Variants in WNT2B observed in about 807,000 individuals in gnomAD.
WNT2B encodes the protein protein Wnt-2b.
A neutral mutation model predicts 40.5 loss-of-function variants in WNT2B; 19 were observed. That is an observed-to-expected ratio of 0.47 (90% confidence interval 0.33 to 0.69). WNT2B has a LOEUF of 0.69. WNT2B is among the 30% of genes least tolerant of loss of function. The pLI is 0.02. For missense variants in WNT2B, 467 were observed against 556.4 expected (o/e 0.84, Z 1.62); for synonymous variants, 220 against 211.9 (o/e 1.04, Z -0.33).
At chr1:112,467,641 CCTTTT>C (rs1650745676) in intron 1 of WNT2B, 2 of 765,184 alleles carry the variant, frequency 2.6e-6, no homozygotes, top group African/African-American at 3.4e-5. Flanking sequence ...CTAATTTTCT[CCTTTT>C]CTTCTCGATA....
chr1:112,516,779 C>A (rs1652568410), intron 3 of WNT2B, among the ~76,000 whole-genome samples: 2 of 152,166 alleles, frequency 1.3e-5, no homozygotes. Flanking sequence ...AAATGGCACA[C>A]CACTAAAGTA....
At chr1:112,504,905 G>A (rs1451435280), upstream of WNT2B, among the ~76,000 whole-genome samples, 1 of 152,022 alleles carries the variant, frequency 6.6e-6, no homozygotes. Context: ...GATAGAGCAG[G>A]GTGGGGTAAG....
chr1:112,484,230 T>C (rs11102481), intron 1 of WNT2B, among the ~76,000 whole-genome samples: 16,981 of 117,984 alleles, frequency 0.14, 1,356 homozygotes, highest in East Asian at 0.35. Flanking sequence ...CATATATATA[T>C]ACACATATAT....
chr1:112,482,279 A>G (rs955341383), intron 1 of WNT2B, among the ~76,000 whole-genome samples: 1 of 152,028 alleles, frequency 6.6e-6, no homozygotes, highest in Non-Finnish European at 1.5e-5. Flanking sequence ...TGATTGTGCT[A>G]CTACACTCCA....
rs184570873 is a variant in WNT2B at position 112,490,631 on chromosome 1, C to A, written c.-95+23040C>A. On this transcript the variant is annotated intron_variant, in intron 1 of 4. Coordinates refer to the WNT2B transcript ENST00000256640. ...CAGCCTCCCTAGTAGCTGGGACTAC[C>A]GGCGCCCATCACCACACCCGGCTAA... is the stretch of plus-strand genomic sequence containing the variant. 6.5e-3 allele frequency among the ~76,000 whole-genome samples: 980 copies of A among 151,808 alleles called. 13 individuals carry two copies. The highest frequency in any genetic ancestry group is 0.021 in the African/African-American group (876 of 41,392).
At chr1:112,473,000 AGG>A in intron 1 of WNT2B, among the ~76,000 whole-genome samples, 1 of 100,242 alleles carries the variant, frequency 1.0e-5, no homozygotes, top group East Asian at 3.1e-4. Context: ...GAGGGAGGGG[AGG>A]GAAGGGGAGA....
In WNT2B at chr1:112,509,130, GTGA is replaced by G; in HGVS notation, c.-131_-129del. 7.3e-7 allele frequency: 1 copy of G among 1,370,098 alleles called. No homozygotes were observed. The highest frequency in any genetic ancestry group is 1.7e-5 in the South Asian group (1 of 58,306). 84.9% of individuals were successfully genotyped at this position (1,370,098 alleles called of 1,614,324 possible). On this transcript the variant is annotated 5_prime_UTR_variant, in exon 1 of 5. Coordinates refer to ENST00000369684, the MANE Select transcript of WNT2B (RefSeq NM_024494.3). This position sits in a 1 kb window ranked among gnomAD's most constrained non-coding sequence, Gnocchi z 4.2. ...CCTCCTCCCGGGCTCTGGACCCCAGGTGATCCTAGGTCCCCAGCCGCCGGCGAA... is the reference window on the plus strand; with the variant it reads ...CCTCCTCCCGGGCTCTGGACCCCAGGTCCTAGGTCCCCAGCCGCCGGCGAA...
intron 1 of WNT2B, among the ~76,000 whole-genome samples, chr1:112,510,363 T>A (rs1652305886): frequency 6.6e-6 from 1 of 151,910 alleles, no homozygotes; most frequent in Non-Finnish European, 1.5e-5. Context: ...GCAGGGAGAG[T>A]TGAACCTAGA....
upstream of WNT2B, among the ~76,000 whole-genome samples, chr1:112,505,948 C>T (rs1174570734): frequency 6.6e-6 from 1 of 152,184 alleles, no homozygotes; most frequent in Non-Finnish European, 1.5e-5. Context: ...GCTGATGTTT[C>T]TGGCTGTACC....
rs1654086901 is a variant in WNT2B, at chr1:112,529,837, G to A, written c.*9328G>A. ...GTGGTACCTTCACAGGAGCTCAGTG[G>A]AACTGGGGTTTACTTACATCTTTTT... On this transcript the variant is annotated 3_prime_UTR_variant, in exon 5 of 5. Transcript: ENST00000369684. The A allele has an allele frequency of 6.6e-6, 1 of 151,520 alleles. No homozygotes were observed. Among genetic ancestry groups the A allele is most frequent in the African/African-American group, 2.4e-5 (1 of 41,244 alleles). The allele number at this position is 151,520 out of a possible 1,614,324, so 9.4% of individuals were successfully genotyped here.
chr1:112,507,976 C>T (rs1570787444), upstream of WNT2B, among the ~76,000 whole-genome samples: 1 of 152,076 alleles, frequency 6.6e-6, no homozygotes, highest in Non-Finnish European at 1.5e-5. Flanking sequence ...GAGTCTCTTT[C>T]GGCAGACTGC....
At chr1:112,471,698 A>G (rs943905530) in intron 1 of WNT2B, among the ~76,000 whole-genome samples, 11 of 152,220 alleles carry the variant, frequency 7.2e-5, no homozygotes, top group African/African-American at 2.7e-4. Flanking sequence ...GCAGTGCCAA[A>G]GGTTGTATTC....
At chr1:112,477,241 T>C (rs1651079834) in intron 1 of WNT2B, among the ~76,000 whole-genome samples, 1 of 152,220 alleles carries the variant, frequency 6.6e-6, no homozygotes, top group South Asian at 2.1e-4. Context: ...TCCAGAGCCA[T>C]TGGCCATGCT....
intron 1 of WNT2B, among the ~76,000 whole-genome samples, chr1:112,476,387 A>G (rs1223093986): frequency 1.3e-5 from 2 of 152,238 alleles, no homozygotes; most frequent in Non-Finnish European, 2.9e-5. Flanking sequence ...TGACATCACC[A>G]AGATGGTGGA....
chr1:112,504,704 T>C (rs923524875), upstream of WNT2B, among the ~76,000 whole-genome samples: 2 of 151,980 alleles, frequency 1.3e-5, no homozygotes, highest in Non-Finnish European at 2.9e-5. Flanking sequence ...TGCAAAGAAA[T>C]CTCAGGAAAG....
Position 112,523,274 on chromosome 1 carries a change from G to A in WNT2B, c.*2765G>A, listed in dbSNP as rs900392324. The A allele has an allele frequency of 6.6e-6, 1 of 152,198 alleles. No individual in the cohort carries two copies. The highest frequency in any genetic ancestry group is 1.5e-5 in the Non-Finnish European group (1 of 68,042). 9.4% of individuals were successfully genotyped at this position (152,198 alleles called of 1,614,324 possible). Reference sequence around the variant, plus strand: ...CAAATTCTAGCTCATAAAGATGCAAGTTTTGCAATTTCCTATAAATGGTTA... The same window carrying A: ...CAAATTCTAGCTCATAAAGATGCAAATTTTGCAATTTCCTATAAATGGTTA... On this transcript the variant is annotated 3_prime_UTR_variant, in exon 5 of 5. Coordinates refer to ENST00000369684, the MANE Select transcript of WNT2B (RefSeq NM_024494.3).
intron 1 of WNT2B, among the ~76,000 whole-genome samples, chr1:112,473,055 AAAAAGGAAAGGAAG>A (rs1650932539): frequency 7.4e-6 from 1 of 134,732 alleles, no homozygotes; most frequent in South Asian, 2.3e-4. Context: ...GAGAGGAAAG[AAAAAGGAAAGGAAG>A]AAAAAGAAAG....
chr1:112,488,376 G>C (rs887628954), intron 1 of WNT2B, among the ~76,000 whole-genome samples: 1 of 151,904 alleles, frequency 6.6e-6, no homozygotes, highest in East Asian at 1.9e-4. Flanking sequence ...AAGGGAACAC[G>C]ATTATGGCAC....
At chr1:112,508,732 G>A, upstream of WNT2B, 4 of 986,078 alleles carry the variant, frequency 4.1e-6, no homozygotes, top group Non-Finnish European at 4.8e-6. This position sits in a 1 kb window ranked among gnomAD's most constrained non-coding sequence, Gnocchi z 4.2. Flanking sequence ...GGGACTGGGC[G>A]CTTGGGGCGC....
Sources: allele counts gnomAD v4.1 joint callset (sites outside exome capture counted in the v4.1 genomes callset), GRCh38; gene constraint gnomAD v4.1.1; non-coding constraint Gnocchi (gnomAD v3.1); transcripts MANE v1.5; gene names NCBI Gene and HGNC (gene_info 2026-07-23, HGNC 2026-07-21).